The following C2CD2 variants were observed in gnomAD, a reference collection of about 807,000 sequenced individuals.
The protein encoded by C2CD2 is C2 domain-containing protein 2.
Under a neutral mutation model 74.3 loss-of-function variants are expected in C2CD2, and 43 were observed. That is an observed-to-expected ratio of 0.58 (90% confidence interval 0.45 to 0.75). The LOEUF is 0.75. Ranked by LOEUF, C2CD2 falls within the 30% of genes least tolerant of loss-of-function variation. C2CD2 has a pLI of 0.00. For missense variants in C2CD2, 801 were observed against 916.3 expected (o/e 0.87, Z 1.63); for synonymous variants, 422 against 390.7 (o/e 1.08, Z -0.94).
intron 1 of C2CD2, among the ~76,000 whole-genome samples, chr21:41,947,137 T>TCTCTCTCTCTCTCACTCTCTCTCTCC (rs778013814): frequency 3.9e-5 from 1 of 25,640 alleles, no homozygotes. Flanking sequence ...TCTCTCTCTC[T>TCTCTCTCTCTCTCACTCTCTCTCTCC]CTCCCTCCCT....
chr21:41,947,155 T>TCCCTCCCC (rs2065407381), intron 1 of C2CD2, among the ~76,000 whole-genome samples: 1 of 126,128 alleles, frequency 7.9e-6, no homozygotes, highest in African/African-American at 3.1e-5. Context: ...CCTCCCTCCC[T>TCCCTCCCC]CCCTCTCTCC....
rs534780353 is a variant in C2CD2, at chr21:41,887,502, G to GA, written c.*1621dup. On this transcript the variant is annotated 3_prime_UTR_variant, in exon 14 of 14. Coordinates refer to ENST00000380486, the MANE Select transcript of C2CD2 (RefSeq NM_015500.2). ...TTTTATACAGGTTTTTACTAAAAAA[G>GA]AAAAAAATCCTATAATTTTGGTTTT... is the stretch of plus-strand genomic sequence containing the variant. 1.3e-5 allele frequency: 2 copies of GA among 149,954 alleles called. No individual in the cohort carries two copies. The highest frequency in any genetic ancestry group is 2.1e-4 in the South Asian group (1 of 4,770). 9.3% of individuals were successfully genotyped at this position (149,954 alleles called of 1,614,324 possible). A position where few individuals can be genotyped will look rare whatever the true frequency, so the allele number is the denominator to read the frequency against.
At position 41,907,719 on chromosome 21, in the gene C2CD2, A is replaced by G; in HGVS notation, c.1084T>C (p.Phe362Leu). 6.2e-7 allele frequency: 1 copy of G among 1,613,400 alleles called. No homozygotes were observed. Among genetic ancestry groups the G allele is most frequent in the Non-Finnish European group, 8.5e-7 (1 of 1,179,870 alleles). ...FKKQPSGPQS[F>L]TLTSGSACGS... ...CAGGCAGACCCGCTGGTCAGCGTGA[A>G]GCTCTGTGGCCCAGAAGGCTGCTTC... is the stretch of plus-strand genomic sequence containing the variant. Residue 362 changes from phenylalanine (F) to leucine (L), a missense_variant, in exon 9 of 14, where the codon TTC becomes CTC. Phe to Leu is a conservative substitution (Grantham distance 22, BLOSUM62 0). Coordinates refer to ENST00000380486, the MANE Select transcript of C2CD2 (RefSeq NM_015500.2).
At chr21:41,920,416 A>T (rs780153912) in intron 3 of C2CD2, among the ~76,000 whole-genome samples, 4 of 152,244 alleles carry the variant, frequency 2.6e-5, no homozygotes, top group African/African-American at 4.8e-5. Flanking sequence ...ACGACTTCAG[A>T]CTATCTGAGT....
At position 41,886,214 on chromosome 21, in the gene C2CD2, A is replaced by G. The variant is rs1214767893; in HGVS notation, c.*2910T>C. 1 of 152,202 alleles carries G rather than the reference A, an allele frequency of 6.6e-6. No individual in the cohort carries two copies. Among genetic ancestry groups the G allele is most frequent in the Non-Finnish European group, 1.5e-5 (1 of 68,040 alleles). The allele number at this position is 152,202 out of a possible 1,614,324, so 9.4% of individuals were successfully genotyped here. ...ATTGTTTTTAAAACACAACTGGGCA[A>G]AACTTTCATCCAGACAAAAGCCAAA... is the stretch of plus-strand genomic sequence containing the variant. On this transcript the variant is annotated 3_prime_UTR_variant, in exon 14 of 14. Coordinates refer to ENST00000380486, the MANE Select transcript of C2CD2 (RefSeq NM_015500.2).
chr21:41,901,405 T>G, intron 12 of C2CD2: 1 of 603,080 alleles, frequency 1.7e-6, no homozygotes, highest in East Asian at 2.9e-5. Flanking sequence ...GCGTCCCTGA[T>G]TAGAAAGTCT....
rs1454558320 is a variant in C2CD2 at position 41,903,980 on chromosome 21, G to A, written c.1432+1744C>T. ...CCAGAGCGGCTCCAGCTCAAATAAG[G>A]GCTGGGCAAAATGAGGCTGGGATCC... On this transcript the variant is annotated intron_variant, in intron 11 of 13. Coordinates refer to ENST00000380486, the MANE Select transcript of C2CD2 (RefSeq NM_015500.2). The surrounding 1 kb of genome is among the most constrained non-coding windows in gnomAD (Gnocchi z 4.5). Among the ~76,000 whole-genome samples, 1 of 152,176 alleles carries A rather than the reference G, an allele frequency of 6.6e-6. No individual in the cohort carries two copies. The highest frequency in any genetic ancestry group is 1.9e-4 in the East Asian group (1 of 5,196).
chr21:41,905,685 G>A (rs377111840), intron 11 of C2CD2, 39 bp downstream of exon 11: 26 of 1,063,388 alleles, frequency 2.4e-5, no homozygotes, highest in Non-Finnish European at 1.3e-5. Flanking sequence ...AGGCCCAAAG[G>A]TGCTAAGAGG....
chr21:41,886,649 T>C lies in C2CD2; in HGVS notation c.*2475A>G, dbSNP rs148407167. 52 of 96,156 alleles carry C rather than the reference T, an allele frequency of 5.4e-4. No individual in the cohort carries two copies. The highest frequency in any genetic ancestry group is 2.4e-3 in the African/African-American group (50 of 21,160). The allele number at this position is 96,156 out of a possible 1,614,324, so 6.0% of individuals were successfully genotyped here. A position where few individuals can be genotyped will look rare whatever the true frequency, so the allele number is the denominator to read the frequency against. Reference sequence around the variant, plus strand: ...TCATGGGATTCATCTGGAAATGGAATAGTTAAAACCTTTTTTTTTTTTTGA... The same window carrying C: ...TCATGGGATTCATCTGGAAATGGAACAGTTAAAACCTTTTTTTTTTTTTGA... On this transcript the variant is annotated 3_prime_UTR_variant, in exon 14 of 14. Transcript: ENST00000380486.
intron 13 of C2CD2, among the ~76,000 whole-genome samples, chr21:41,898,547 T>G (rs934452745): frequency 2.0e-5 from 3 of 152,206 alleles, no homozygotes; most frequent in African/African-American, 7.2e-5. Context: ...ACCCACATAT[T>G]AAGTTAACCG....
chr21:41,892,428 G>A lies in C2CD2; in HGVS notation c.1871-3084C>T, dbSNP rs2064765682. On this transcript the variant is annotated intron_variant, in intron 13 of 13. Transcript: ENST00000380486. This position sits in a 1 kb window ranked among gnomAD's most constrained non-coding sequence, Gnocchi z 4.6. ...ACCCAGTTTGTGGTACTTTGATACA[G>A]CCCTGGGAGGGGAGGGGGCGCATTT... 6.6e-6 allele frequency among the ~76,000 whole-genome samples: 1 copy of A among 152,160 alleles called. No homozygotes were observed. The highest frequency in any genetic ancestry group is 2.1e-4 in the South Asian group (1 of 4,826).
intron 1 of C2CD2, among the ~76,000 whole-genome samples, chr21:41,950,208 C>T (rs2146238968): frequency 6.6e-6 from 1 of 152,192 alleles, no homozygotes; most frequent in East Asian, 1.9e-4. Context: ...CAGCTTCTCA[C>T]CAGTGATTCT....
intron 9 of C2CD2, 111 bp from the exon 10 acceptor site, chr21:41,907,277 T>C: frequency 2.3e-6 from 2 of 862,964 alleles, no homozygotes; most frequent in Non-Finnish European, 3.7e-6. Flanking sequence ...TTCCTTCCCT[T>C]AAGGTCACTT....
Position 41,898,272 on chromosome 21 carries a change from G to A in C2CD2, c.1870+781C>T, listed in dbSNP as rs2250977. Among the ~76,000 whole-genome samples, 678 of 152,232 alleles carry A rather than the reference G, an allele frequency of 4.5e-3. 29 individuals carry two copies. The East Asian group carries it at 0.095, about 21-fold the overall frequency. ...GTCTTCTGCACCAAGATGTCCTTTTGTCCCCCGAATGGTGGAGTCAGGTGG... is the reference window on the plus strand; with the variant it reads ...GTCTTCTGCACCAAGATGTCCTTTTATCCCCCGAATGGTGGAGTCAGGTGG... On this transcript the variant is annotated intron_variant, in intron 13 of 13. Coordinates refer to ENST00000380486, the MANE Select transcript of C2CD2 (RefSeq NM_015500.2).
chr21:41,918,264 C>T, intron 4 of C2CD2, 37 bp from the exon 5 acceptor site: 1 of 1,608,512 alleles, frequency 6.2e-7, no homozygotes, highest in Non-Finnish European at 8.5e-7. Context: ...ATCGCCTTTG[C>T]AAGCCCACTC....
At chr21:41,946,970 G>A (rs754317744) in intron 1 of C2CD2, among the ~76,000 whole-genome samples, 3 of 152,134 alleles carry the variant, frequency 2.0e-5, no homozygotes, top group Admixed American at 6.5e-5. Context: ...ACAACTCAAC[G>A]CCACAGGTAC....
chr21:41,889,100 G>T lies in C2CD2; in HGVS notation c.*24C>A, dbSNP rs746346937. ...AGTTAACATGGGTGCACGTCTTCTG[G>T]CTTGGAGGTGATGACCTCAGGCCCT... On this transcript the variant is annotated 3_prime_UTR_variant, in exon 14 of 14. Transcript: ENST00000380486. The T allele has an allele frequency of 1.9e-6, 3 of 1,582,946 alleles. No individual in the cohort carries two copies. The highest frequency in any genetic ancestry group is 2.2e-5 in the East Asian group (1 of 44,706).
At chr21:41,947,890 G>A (rs563969950) in intron 1 of C2CD2, among the ~76,000 whole-genome samples, 52 of 152,288 alleles carry the variant, frequency 3.4e-4, no homozygotes, top group Non-Finnish European at 5.4e-4. Flanking sequence ...GCCCTTCCAC[G>A]GGCTGAAGAA....
rs117578869 is a variant in C2CD2 at position 41,905,963 on chromosome 21, C to T, written c.1319-126G>A. The T allele has an allele frequency of 6.0e-3, 4,182 of 696,200 alleles. 34 individuals carry two copies. The highest frequency in any genetic ancestry group is 0.012 in the Middle Eastern group (43 of 3,688). The allele number at this position is 696,200 out of a possible 1,614,324, so 43.1% of individuals were successfully genotyped here. ...TGCAGTTGGTAAAGGCAAAGCTTAA[C>T]GAAAGCTGTTTTGAGGGGAGGAGGG... On this transcript the variant is annotated intron_variant, in intron 10 of 13. Coordinates refer to ENST00000380486, the MANE Select transcript of C2CD2 (RefSeq NM_015500.2).
Sources: gnomAD v4.1 joint callset for allele counts (sites outside exome capture counted in the v4.1 genomes callset) on GRCh38, gnomAD v4.1.1 for gene constraint, Gnocchi (gnomAD v3.1) non-coding constraint, MANE v1.5 for transcripts, NCBI Gene and HGNC (gene_info 2026-07-23, HGNC 2026-07-21) for gene names.